SNX31: variants seen among roughly 807,000 people sequenced by gnomAD.
The protein encoded by SNX31 is sorting nexin-31.
A neutral mutation model predicts 65.4 loss-of-function variants in SNX31; 58 were observed. The observed-to-expected ratio is 0.89, with a 90% CI of 0.72 to 1.10. SNX31 has a LOEUF of 1.10. SNX31 is among the 50% of genes least tolerant of loss of function. SNX31 has a pLI of 0.00. For missense variants in SNX31, 523 were observed against 529.7 expected (o/e 0.99, Z 0.12); for synonymous variants, 181 against 190.1 (o/e 0.95, Z 0.39).
intron 2 of SNX31, among the ~76,000 whole-genome samples, chr8:100,646,304 G>T (rs1024156167): frequency 6.6e-6 from 1 of 152,222 alleles, no homozygotes; most frequent in African/African-American, 2.4e-5. Flanking sequence ...GGCAAATCAG[G>T]TTATGGTGGC....
chr8:100,608,806 A>C (rs569848158), intron 7 of SNX31, among the ~76,000 whole-genome samples: 100 of 152,306 alleles, frequency 6.6e-4, no homozygotes, highest in African/African-American at 2.4e-3. Flanking sequence ...ATAAAGCTTT[A>C]GGGGAATGGT....
At chr8:100,621,429 C>G (rs541768358) in intron 4 of SNX31, among the ~76,000 whole-genome samples, 3 of 152,310 alleles carry the variant, frequency 2.0e-5, no homozygotes, top group African/African-American at 7.2e-5. Context: ...TTACTGGCAA[C>G]AGGTAAGAAA....
At chr8:100,650,586 G>A (rs1020512545), upstream of SNX31, among the ~76,000 whole-genome samples, 9 of 152,320 alleles carry the variant, frequency 5.9e-5, no homozygotes, top group Admixed American at 2.0e-4. Flanking sequence ...GAGAAGCGAC[G>A]CCTGCCAAAC....
At chr8:100,645,476 T>C (rs1049149364) in intron 2 of SNX31, among the ~76,000 whole-genome samples, 18 of 152,322 alleles carry the variant, frequency 1.2e-4, no homozygotes, top group African/African-American at 3.4e-4. Flanking sequence ...CTCAGTTAAA[T>C]ATGTATCAAG....
intron 1 of SNX31, among the ~76,000 whole-genome samples, chr8:100,659,353 C>A (rs1443742628): frequency 5.6e-5 from 4 of 71,444 alleles, no homozygotes; most frequent in Non-Finnish European, 1.1e-4. Context: ...AACTCCATCA[C>A]AAAAAAAAAA....
chr8:100,583,524 C>T (rs1484140321), intron 12 of SNX31, among the ~76,000 whole-genome samples: 1 of 152,114 alleles, frequency 6.6e-6, no homozygotes, highest in Non-Finnish European at 1.5e-5. Context: ...TTTTCACAGC[C>T]TTCTCACCAA....
intron 12 of SNX31, among the ~76,000 whole-genome samples, chr8:100,579,931 A>G (rs1813351179): frequency 6.6e-6 from 1 of 152,020 alleles, no homozygotes; most frequent in African/African-American, 2.4e-5. Flanking sequence ...AGGCCAAGGC[A>G]GGCTGATTGC....
chr8:100,574,098 C>A, intron 13 of SNX31, 138 bp from the exon 14 acceptor site: 1 of 522,272 alleles, frequency 1.9e-6, no homozygotes, highest in Non-Finnish European at 3.3e-6. Context: ...TTATTTTAAA[C>A]AGTTTTATTC....
At chr8:100,582,827 CA>C (rs1813673786) in intron 12 of SNX31, among the ~76,000 whole-genome samples, 1 of 150,238 alleles carries the variant, frequency 6.7e-6, no homozygotes, top group Non-Finnish European at 1.5e-5. Context: ...AAAAAAAATA[CA>C]AAAAATCAGC....
chr8:100,612,135 G>A lies in SNX31; in HGVS notation c.524-48C>T, dbSNP rs1172370071. 1.7e-6 allele frequency: 2 copies of A among 1,200,796 alleles called. No individual in the cohort carries two copies. The highest frequency in any genetic ancestry group is 3.6e-5 in the Admixed American group (2 of 55,096). The allele number at this position is 1,200,796 out of a possible 1,614,324, so 74.4% of individuals were successfully genotyped here. On this transcript the variant is annotated intron_variant, in intron 6 of 13. Coordinates refer to ENST00000311812, the MANE Select transcript of SNX31 (RefSeq NM_152628.4). The surrounding 1 kb of genome is among the most constrained non-coding windows in gnomAD (Gnocchi z 4.3). ...CTTACTGGTTGAAACAGCACAGACA[G>A]CTTATATATAGCAGCTTTCAAATGA...
Position 100,609,802 on chromosome 8 carries a change from T to G in SNX31, c.612-1239A>C, listed in dbSNP as rs1482215027. Among the ~76,000 whole-genome samples the G allele has an allele frequency of 2.0e-5, 3 of 152,236 alleles. No individual in the cohort carries two copies. In the East Asian group the frequency reaches 5.8e-4, roughly 29 times the overall value. Reference sequence around the variant, plus strand: ...TGCACCCACACATCCCAGAGGCCCCTGTGTGCAGAGAATAGACCCATCCCA... The same window carrying G: ...TGCACCCACACATCCCAGAGGCCCCGGTGTGCAGAGAATAGACCCATCCCA... On this transcript the variant is annotated intron_variant, in intron 7 of 13. Transcript: ENST00000311812. This position sits in a 1 kb window ranked among gnomAD's most constrained non-coding sequence, Gnocchi z 4.9.
Position 100,575,221 on chromosome 8 carries a change from T to C in SNX31, c.1228-1261A>G, listed in dbSNP as rs565577721. 6.6e-6 allele frequency among the ~76,000 whole-genome samples: 1 copy of C among 152,370 alleles called. No homozygotes were observed. The highest frequency in any genetic ancestry group is 6.5e-5 in the Admixed American group (1 of 15,306). ...ATAAAGACTGCTTGGGTTCAAATAC[T>C]GGCTCTGATATTAACTGACTGTGTG... On this transcript the variant is annotated intron_variant, in intron 13 of 13. Transcript: ENST00000311812. The surrounding 1 kb of genome is among the most constrained non-coding windows in gnomAD (Gnocchi z 5.1).
intron 2 of SNX31, among the ~76,000 whole-genome samples, chr8:100,642,466 G>T (rs1262453697): frequency 6.6e-6 from 1 of 152,126 alleles, no homozygotes; most frequent in East Asian, 1.9e-4. Flanking sequence ...CAAGATCTGG[G>T]GAAAAATCAA....
rs924532200 is a variant in SNX31 at position 100,595,044 on chromosome 8, C to T, written c.978+1595G>A. On this transcript the variant is annotated intron_variant, in intron 10 of 13. Coordinates refer to ENST00000311812, the MANE Select transcript of SNX31 (RefSeq NM_152628.4). The stretch of plus-strand genomic sequence containing the variant: ...TATGCAGAGCAAAAATGAGCCAATC[C>T]CTAAGGCAATTGATATTTATAGAAT... Among the ~76,000 whole-genome samples, 13 of 152,258 alleles carry T rather than the reference C, an allele frequency of 8.5e-5. No homozygotes were observed. The South Asian group carries it at 2.7e-3, about 32-fold the overall frequency.
chr8:100,621,254 A>T (rs1042846582), intron 4 of SNX31, among the ~76,000 whole-genome samples: 5 of 152,154 alleles, frequency 3.3e-5, no homozygotes, highest in Non-Finnish European at 5.9e-5. Flanking sequence ...TAGGGTAAAC[A>T]TCTCTCCCAG....
chr8:100,610,131 T>C lies in SNX31; in HGVS notation c.612-1568A>G, dbSNP rs1816573569. Among the ~76,000 whole-genome samples the C allele has an allele frequency of 6.6e-6, 1 of 152,216 alleles. No individual in the cohort carries two copies. The highest frequency in any genetic ancestry group is 2.4e-5 in the African/African-American group (1 of 41,450). On this transcript the variant is annotated intron_variant, in intron 7 of 13. Transcript: ENST00000311812. This position sits in a 1 kb window ranked among gnomAD's most constrained non-coding sequence, Gnocchi z 4.0. ...ACAATAGAAGTGGAACCTCCTTTCT[T>C]CCCAGTTCCCATCAACAGAGGCAAT...
At chr8:100,602,009 A>G (rs1201613385) in intron 8 of SNX31, among the ~76,000 whole-genome samples, 1 of 152,180 alleles carries the variant, frequency 6.6e-6, no homozygotes, top group Non-Finnish European at 1.5e-5. Context: ...CTCCTCAGCC[A>G]CACACACTCG....
chr8:100,651,504 C>T (rs1563592769), upstream of SNX31, among the ~76,000 whole-genome samples: 1 of 152,166 alleles, frequency 6.6e-6, no homozygotes, highest in South Asian at 2.1e-4. Context: ...CACTAAGTGC[C>T]CCCCTGGAGT....
chr8:100,584,818 T>C (rs1813887888), intron 11 of SNX31, among the ~76,000 whole-genome samples: 1 of 151,222 alleles, frequency 6.6e-6, no homozygotes, highest in Admixed American at 6.6e-5. Flanking sequence ...GCTGCGATCT[T>C]GGCTCACTGC....
Sources: allele counts gnomAD v4.1 joint callset (sites outside exome capture counted in the v4.1 genomes callset), GRCh38; gene constraint gnomAD v4.1.1; non-coding constraint Gnocchi (gnomAD v3.1); transcripts MANE v1.5; gene names NCBI Gene and HGNC (gene_info 2026-07-23, HGNC 2026-07-21).